The following SQOR variants were observed in gnomAD, a reference collection of about 807,000 sequenced individuals.
The protein encoded by SQOR is sulfide:quinone oxidoreductase, mitochondrial.
Under a neutral mutation model 48.6 loss-of-function variants are expected in SQOR, and 39 were observed. That is an observed-to-expected ratio of 0.80 (90% CI 0.62 to 1.05). The LOEUF (loss-of-function observed/expected upper bound fraction) is 1.05. Ranked by LOEUF, SQOR falls within the 50% of genes least tolerant of loss-of-function variation. SQOR has a pLI of 0.00. For synonymous variants in SQOR, 220 were observed against 206.2 expected (o/e 1.07, Z -0.57); for missense variants, 561 against 559.9 (o/e 1.00, Z -0.02).
At chr15:45,631,300 T>G (rs571968765), upstream of SQOR, 1 of 153,142 alleles carries the variant, frequency 6.5e-6, no homozygotes, top group Non-Finnish European at 1.5e-5. Flanking sequence ...GAAAACAAAT[T>G]AATACAACCT....
intron 1 of SQOR, among the ~76,000 whole-genome samples, chr15:45,635,845 C>CT (rs558150671): frequency 8.2e-4 from 125 of 152,014 alleles, no homozygotes; most frequent in Non-Finnish European, 1.4e-3. Flanking sequence ...CAGAACAATA[C>CT]TTTTTTTTGA....
intron 3 of SQOR, among the ~76,000 whole-genome samples, chr15:45,663,756 TC>T (rs1375576562): frequency 6.6e-6 from 1 of 151,338 alleles, no homozygotes; most frequent in East Asian, 1.9e-4. Flanking sequence ...GACAGAGCTG[TC>T]TCCAAAAAAT....
chr15:45,670,011 C>T (rs1205419393), intron 4 of SQOR, 30 bp downstream of exon 4: 1 of 1,605,602 alleles, frequency 6.2e-7, no homozygotes, highest in Non-Finnish European at 8.5e-7. Context: ...CTGTGTTACG[C>T]TGGCTTATCT....
At chr15:45,668,705 G>C (rs1429277118) in intron 3 of SQOR, among the ~76,000 whole-genome samples, 1 of 152,148 alleles carries the variant, frequency 6.6e-6, no homozygotes, top group Admixed American at 6.6e-5. Context: ...GATTCGCTCG[G>C]GTTGCTTGCT....
In SQOR at chr15:45,691,050, C is replaced by T. The variant is rs572043411; in HGVS notation, c.*20C>T. On this transcript the variant is annotated 3_prime_UTR_variant, in exon 10 of 10. Transcript: ENST00000260324. ...AGTTAAGGATGGCTCAGCACTTGCT[C>T]ATCTTGGATGGCTTCTGGGCCAAAA... 1 of 1,612,478 alleles carries T rather than the reference C, an allele frequency of 6.2e-7. No homozygotes were observed.
chr15:45,649,479 CTTTT>C (rs1260667386), intron 1 of SQOR, among the ~76,000 whole-genome samples: 1 of 152,060 alleles, frequency 6.6e-6, no homozygotes, highest in Non-Finnish European at 1.5e-5. Context: ...TGATGTTTTT[CTTTT>C]TCTTTTTTTT....
chr15:45,634,219 T>TATATATATATATATATATATATA, upstream of SQOR, among the ~76,000 whole-genome samples: 1 of 129,696 alleles, frequency 7.7e-6, no homozygotes, highest in Non-Finnish European at 1.6e-5. Flanking sequence ...TATATATATA[T>TATATATATATATATATATATATA]ATATATTCAA....
In SQOR at chr15:45,681,089, G is replaced by A. The variant is rs116978848; in HGVS notation, c.865-1389G>A. On this transcript the variant is annotated intron_variant, in intron 6 of 9. Coordinates refer to ENST00000260324, the MANE Select transcript of SQOR (RefSeq NM_021199.4). The stretch of plus-strand genomic sequence containing the variant: ...CAACAAACTAGCTGGGTGTGGTGGT[G>A]CGTGCCTCCTGGCTGAGGCAGGAGG... Among the ~76,000 whole-genome samples the A allele has an allele frequency of 9.1e-4, 138 of 152,254 alleles. 1 individual carries two copies. The East Asian group carries it at 0.024, about 27-fold the overall frequency.
chr15:45,690,476 C>A (rs1363527735), intron 9 of SQOR, among the ~76,000 whole-genome samples: 7 of 152,282 alleles, frequency 4.6e-5, no homozygotes, highest in African/African-American at 1.7e-4. Flanking sequence ...GATCTTCCTA[C>A]CCCTTGCTGC....
Position 45,676,315 on chromosome 15 carries a change from G to C in SQOR, c.864+5G>C. 1 of 1,613,838 alleles carries C rather than the reference G, an allele frequency of 6.2e-7. No homozygotes were observed. Among genetic ancestry groups the C allele is most frequent in the Non-Finnish European group, 8.5e-7 (1 of 1,179,844 alleles). ...GGAGAGACCCAAGTGATTTCAGTGA[G>C]TGGTGAGGCTAAGCTGTCAGCATGA... is the stretch of plus-strand genomic sequence containing the variant. On this transcript the variant is annotated splice_donor_5th_base_variant and intron_variant, in intron 6 of 9. Transcript: ENST00000260324.
intron 2 of SQOR, among the ~76,000 whole-genome samples, chr15:45,659,428 G>T (rs981077278): frequency 1.3e-5 from 2 of 152,078 alleles, no homozygotes; most frequent in Non-Finnish European, 2.9e-5. Context: ...CTGCAAATTG[G>T]GTGGCTTAAA....
chr15:45,642,563 A>G (rs1261979068), intron 1 of SQOR, among the ~76,000 whole-genome samples: 6 of 152,128 alleles, frequency 3.9e-5, no homozygotes, highest in African/African-American at 2.4e-5. Context: ...TCTCAGACCT[A>G]AACTTTAGTA....
At chr15:45,648,522 A>C (rs1459614660) in intron 1 of SQOR, among the ~76,000 whole-genome samples, 1 of 152,240 alleles carries the variant, frequency 6.6e-6, no homozygotes, top group African/African-American at 2.4e-5. Context: ...GATTTGAAAT[A>C]AGAAAATATT....
intron 1 of SQOR, among the ~76,000 whole-genome samples, chr15:45,650,555 G>C (rs374994247): frequency 6.6e-6 from 1 of 152,190 alleles, no homozygotes; most frequent in Admixed American, 6.5e-5. Context: ...TCCACAACAC[G>C]AAAGAGGACC....
At position 45,673,790 on chromosome 15, in the gene SQOR, T is replaced by G; in HGVS notation, c.643T>G (p.Tyr215Asp). The change falls in exon 5 of 10, where the codon TAC becomes GAC. Residue 215 changes from tyrosine (Y) to aspartate (D), a missense_variant. Tyr to Asp is a radical substitution (Grantham distance 160). Transcript: ENST00000260324. ...GAAGATCATGTACTTATCAGAAGCC[T>G]ACTTCAGGAAGGTATGCTTCCTTTC... ...PQKIMYLSEA[Y>D]FRKTGKRSKA... 6.2e-7 allele frequency: 1 copy of G among 1,614,112 alleles called. No individual in the cohort carries two copies. Among genetic ancestry groups the G allele is most frequent in the Non-Finnish European group, 8.5e-7 (1 of 1,180,002 alleles).
At chr15:45,644,800 G>T (rs749074374) in intron 1 of SQOR, among the ~76,000 whole-genome samples, 8 of 152,224 alleles carry the variant, frequency 5.3e-5, no homozygotes, top group Non-Finnish European at 1.0e-4. Context: ...GCCTATAGTT[G>T]TAGTTGTCTG....
intron 7 of SQOR, among the ~76,000 whole-genome samples, chr15:45,685,238 G>A (rs775015600): frequency 4.6e-5 from 7 of 152,162 alleles, no homozygotes; most frequent in Non-Finnish European, 1.0e-4. Flanking sequence ...AGTACTAGCT[G>A]TTCCCAAGCA....
At chr15:45,649,043 G>C (rs74009661) in intron 1 of SQOR, among the ~76,000 whole-genome samples, 1 of 152,222 alleles carries the variant, frequency 6.6e-6, no homozygotes, top group Non-Finnish European at 1.5e-5. Flanking sequence ...AATGCTCTGA[G>C]TAATTCTTGC....
chr15:45,651,897 C>A (rs1043204459), intron 1 of SQOR, among the ~76,000 whole-genome samples: 1 of 151,654 alleles, frequency 6.6e-6, no homozygotes, highest in Non-Finnish European at 1.5e-5. Context: ...CTTCTTCTTT[C>A]TTTTTTTTAA....
Sources: allele counts gnomAD v4.1 joint callset (sites outside exome capture counted in the v4.1 genomes callset), GRCh38; gene constraint gnomAD v4.1.1; transcripts MANE v1.5; gene names NCBI Gene and HGNC (gene_info 2026-07-23, HGNC 2026-07-21).